Variants in SUGCT observed in about 807,000 individuals in gnomAD.
SUGCT encodes the protein succinyl-CoA:glutarate CoA-transferase.
SUGCT carries 41 observed loss-of-function variants against 55.0 expected under a neutral mutation model. The observed-to-expected ratio is 0.74, with a 90% CI of 0.58 to 0.97. The LOEUF is 0.97. SUGCT is among the 50% of genes least tolerant of loss of function. SUGCT has a pLI of 0.00. For missense variants in SUGCT, 568 were observed against 547.8 expected (o/e 1.04, Z -0.37); for synonymous variants, 187 against 200.4 (o/e 0.93, Z 0.56).
chr7:40,743,589 G>C (rs1159256778), intron 12 of SUGCT, among the ~76,000 whole-genome samples: 1 of 152,132 alleles, frequency 6.6e-6, no homozygotes, highest in Admixed American at 6.6e-5. Context: ...AGTTTTCTGT[G>C]ACCCAGTTTT....
chr7:40,174,634 C>T (rs1324837015), intron 1 of SUGCT, among the ~76,000 whole-genome samples: 1 of 152,034 alleles, frequency 6.6e-6, no homozygotes, highest in African/African-American at 2.4e-5. Flanking sequence ...AAAGCCCAGA[C>T]CTTGTCTCTC....
At chr7:40,544,779 T>C (rs1794900448) in intron 12 of SUGCT, among the ~76,000 whole-genome samples, 1 of 152,176 alleles carries the variant, frequency 6.6e-6, no homozygotes, top group Non-Finnish European at 1.5e-5. Flanking sequence ...GTTATTAATT[T>C]GGTTTAGAAA....
Position 40,788,933 on chromosome 7 carries a change from G to A in SUGCT, c.1153+39436G>A, listed in dbSNP as rs563350789. Among the ~76,000 whole-genome samples the A allele has an allele frequency of 1.4e-4, 21 of 152,272 alleles. No homozygotes were observed. In the South Asian group the frequency reaches 4.4e-3, roughly 32 times the overall value. On this transcript the variant is annotated intron_variant, in intron 13 of 13. Coordinates refer to ENST00000335693, the MANE Select transcript of SUGCT (RefSeq NM_001193313.2). ...GTTTGAATAATTATTAGAATTATTA[G>A]AGCACAGGCTCCTGGCTGCCATATT...
chr7:40,240,533 C>G lies in SUGCT; in HGVS notation c.576+2807C>G, dbSNP rs527258727. Among the ~76,000 whole-genome samples, 6 of 152,126 alleles carry G rather than the reference C, an allele frequency of 3.9e-5. No homozygotes were observed. In the South Asian group the frequency reaches 8.3e-4, roughly 21 times the overall value. On this transcript the variant is annotated intron_variant, in intron 7 of 13. Transcript: ENST00000335693. ...AAGAATCAGGCCATGCTGGGAGTCC[C>G]CCTTAAGAGAGTTGTTTTCCCTTAT...
chr7:40,873,061 G>A, the SUGCT span, among the ~76,000 whole-genome samples: 2,916 of 152,246 alleles, frequency 0.019, 207 homozygotes, highest in South Asian at 0.16. Flanking sequence ...CTGAAAACCT[G>A]CGGATCTAGA....
chr7:40,800,098 G>T (rs1206435577), intron 13 of SUGCT, among the ~76,000 whole-genome samples: 1 of 152,072 alleles, frequency 6.6e-6, no homozygotes, highest in Admixed American at 6.6e-5. Flanking sequence ...AATGTGTAAA[G>T]ATTTATTCTT....
chr7:40,741,934 G>T (rs1787483504), intron 12 of SUGCT, among the ~76,000 whole-genome samples: 1 of 152,152 alleles, frequency 6.6e-6, no homozygotes, highest in Non-Finnish European at 1.5e-5. Context: ...GAAAGGAAAA[G>T]ATTAACAAAA....
At chr7:40,967,626 C>CT in the SUGCT span, among the ~76,000 whole-genome samples, 12,288 of 147,858 alleles carry the variant, frequency 0.083, 703 homozygotes, top group African/African-American at 0.16. Flanking sequence ...GCAGTGAATT[C>CT]TTTTTTTTTT....
intron 1 of SUGCT, among the ~76,000 whole-genome samples, chr7:40,146,175 T>C (rs980189454): frequency 1.3e-5 from 2 of 152,222 alleles, no homozygotes; most frequent in African/African-American, 4.8e-5. Flanking sequence ...AAGTTATTTT[T>C]CTACTTTCTT....
chr7:40,695,009 A>G (rs1784858082), intron 12 of SUGCT, among the ~76,000 whole-genome samples: 2 of 152,018 alleles, frequency 1.3e-5, no homozygotes, highest in African/African-American at 2.4e-5. Context: ...TATGATGTAA[A>G]TCTTGTTTTT....
At chr7:40,324,252 A>ATATATATATAT (rs1554311560) in intron 9 of SUGCT, among the ~76,000 whole-genome samples, 4 of 117,648 alleles carry the variant, frequency 3.4e-5, no homozygotes, top group African/African-American at 1.1e-4. Flanking sequence ...TAAATAAATA[A>ATATATATATAT]ATATATATAT....
Position 40,598,892 on chromosome 7 carries a change from A to G in SUGCT, c.1089+102506A>G, listed in dbSNP as rs369977956. On this transcript the variant is annotated intron_variant, in intron 12 of 13. Coordinates refer to ENST00000335693, the MANE Select transcript of SUGCT (RefSeq NM_001193313.2). ...ACATTTGAGAGAGAGAGAATATTAG[A>G]CCGTCAAAATACTGACAAGGGGATA... Among the ~76,000 whole-genome samples, 4 of 152,176 alleles carry G rather than the reference A, an allele frequency of 2.6e-5. No individual in the cohort carries two copies. The East Asian group carries it at 5.8e-4, about 22-fold the overall frequency.
At chr7:40,812,859 A>G (rs983426825) in intron 13 of SUGCT, among the ~76,000 whole-genome samples, 3 of 152,114 alleles carry the variant, frequency 2.0e-5, no homozygotes, top group African/African-American at 7.2e-5. Context: ...TTTTAGTGCT[A>G]TAAACTTTCC....
intron 12 of SUGCT, among the ~76,000 whole-genome samples, chr7:40,678,227 C>T (rs1162103323): frequency 2.6e-5 from 4 of 152,254 alleles, no homozygotes; most frequent in African/African-American, 9.6e-5. Flanking sequence ...CATTGGTTGC[C>T]GTCGTGGAGA....
chr7:40,152,580 T>A, intron 1 of SUGCT: 1 of 193,104 alleles, frequency 5.2e-6, no homozygotes. Flanking sequence ...GATAACTTAT[T>A]TGTGGTTGTT....
intron 7 of SUGCT, among the ~76,000 whole-genome samples, chr7:40,241,169 C>T (rs753843056): frequency 2.0e-5 from 3 of 152,036 alleles, no homozygotes; most frequent in Non-Finnish European, 4.4e-5. Context: ...CTCTTGAAAT[C>T]GAGTGATATT....
At chr7:40,231,484 G>A (rs755708710) in intron 6 of SUGCT, among the ~76,000 whole-genome samples, 1 of 152,136 alleles carries the variant, frequency 6.6e-6, no homozygotes, top group Non-Finnish European at 1.5e-5. Flanking sequence ...GAATTCCTAG[G>A]AGTCTATGTT....
the SUGCT span, among the ~76,000 whole-genome samples, chr7:41,007,827 A>C: frequency 7.3e-5 from 11 of 149,794 alleles, no homozygotes; most frequent in African/African-American, 2.8e-4. Flanking sequence ...GAAATCCAAA[A>C]AAAAAAAAAA....
intron 11 of SUGCT, among the ~76,000 whole-genome samples, chr7:40,477,450 G>T (rs1257441115): frequency 6.6e-6 from 1 of 152,088 alleles, no homozygotes; most frequent in Non-Finnish European, 1.5e-5. Context: ...AAGCGGGTTG[G>T]ATTACCTCTC....
Sources: allele counts gnomAD v4.1 joint callset (sites outside exome capture counted in the v4.1 genomes callset), GRCh38; gene constraint gnomAD v4.1.1; transcripts MANE v1.5; gene names NCBI Gene and HGNC (gene_info 2026-07-23, HGNC 2026-07-21).